Variants in ABL2 observed in about 807,000 individuals in gnomAD.
The protein encoded by ABL2 is ABL proto-oncogene 2, non-receptor tyrosine kinase.
Under a neutral mutation model 107.7 loss-of-function variants are expected in ABL2, and 49 were observed. The ratio of observed to expected loss-of-function variants is 0.45; its 90% CI spans 0.36 to 0.58. The LOEUF (loss-of-function observed/expected upper bound fraction) is 0.58. Ranked by LOEUF, ABL2 falls within the 20% of genes least tolerant of loss-of-function variation. The pLI, the probability that ABL2 is intolerant of heterozygous loss-of-function variation, is 0.00. For synonymous variants in ABL2, 549 were observed against 548.6 expected, an observed-to-expected ratio of 1.00 and a Z score of -0.01; for missense variants, 1,245 against 1,457.0, an observed-to-expected ratio of 0.85 and a Z score of 2.37.
chr1:179,178,061 A>C (rs76034255), intron 1 of ABL2, among the ~76,000 whole-genome samples: 2,579 of 152,300 alleles, frequency 0.017, 74 homozygotes, highest in African/African-American at 0.058. Context: ...AAAAGGTTCA[A>C]GTTCCAACAT....
At chr1:179,111,307 AG>A (rs1385991240) in intron 10 of ABL2, among the ~76,000 whole-genome samples, 1 of 97,080 alleles carries the variant, frequency 1.0e-5, no homozygotes, top group Non-Finnish European at 2.0e-5. Context: ...TTTTTTTGAC[AG>A]GGAGTCTTGC....
At chr1:179,183,070 A>G (rs1460337280) in intron 1 of ABL2, among the ~76,000 whole-genome samples, 1 of 152,028 alleles carries the variant, frequency 6.6e-6, no homozygotes, top group African/African-American at 2.4e-5. Flanking sequence ...GCCAGAGTGC[A>G]GTGGCAAGAT....
At chr1:179,167,654 T>C (rs978391078) in intron 1 of ABL2, among the ~76,000 whole-genome samples, 11 of 152,240 alleles carry the variant, frequency 7.2e-5, no homozygotes, top group Admixed American at 4.6e-4. Flanking sequence ...ACTCATTCTA[T>C]GCATGTAACA....
chr1:179,121,772 G>C lies in ABL2; in HGVS notation c.783C>G (p.Tyr261Ter). 1.2e-6 allele frequency: 2 copies of C among 1,614,104 alleles called. No homozygotes were observed. Among genetic ancestry groups the C allele is most frequent in the Non-Finnish European group, 1.7e-6 (2 of 1,180,024 alleles). ...TAGGCTTATTACACTTGGGTGCTGGGTAGTGTAATGTTGTCACCAGCCCAT... is the reference window on the plus strand; with the variant it reads ...TAGGCTTATTACACTTGGGTGCTGGCTAGTGTAATGTTGTCACCAGCCCAT... ...VADGLVTTLH[Y>*]PAPKCNKPTV... is the part of the protein sequence containing the mutation. The change falls in exon 5 of 12, where the codon TAC becomes TAG. Residue 261 changes from tyrosine to a stop codon, truncating the protein, a stop_gained. Transcript: ENST00000502732. LOFTEE classifies it high-confidence loss of function.
At chr1:179,189,753 T>C (rs1351660017) in intron 1 of ABL2, among the ~76,000 whole-genome samples, 2 of 152,012 alleles carry the variant, frequency 1.3e-5, no homozygotes, top group African/African-American at 4.8e-5. Context: ...CACAAGCTGG[T>C]GTCTTACAAT....
intron 1 of ABL2, among the ~76,000 whole-genome samples, chr1:179,150,829 T>C (rs1400175725): frequency 6.7e-6 from 1 of 150,232 alleles, no homozygotes; most frequent in Non-Finnish European, 1.5e-5. Flanking sequence ...AACTTCATTG[T>C]TGTCTTATTT....
At chr1:179,169,844 A>G (rs1043590843) in intron 1 of ABL2, among the ~76,000 whole-genome samples, 2 of 152,004 alleles carry the variant, frequency 1.3e-5, no homozygotes, top group African/African-American at 4.8e-5. Context: ...CAGCCTGAAC[A>G]ACAAAAAAGT....
At chr1:179,146,542 G>A (rs1247660362) in intron 1 of ABL2, among the ~76,000 whole-genome samples, 2 of 152,158 alleles carry the variant, frequency 1.3e-5, no homozygotes, top group Non-Finnish European at 2.9e-5. Flanking sequence ...AGTCCCAAGT[G>A]ATATGGTTTG....
rs575503579 is a variant in ABL2 at position 179,205,429 on chromosome 1, T to G, written c.157+23812A>C. 7.2e-5 allele frequency among the ~76,000 whole-genome samples: 11 copies of G among 152,356 alleles called. No individual in the cohort carries two copies. The East Asian group carries it at 1.9e-3, about 27-fold the overall frequency. On this transcript the variant is annotated intron_variant, in intron 1 of 11. Transcript: ENST00000502732. ...ATTACATGAGACCACATGACTTGCT[T>G]TGGCCAGTGAGATATAAAAGGAAGT...
intron 1 of ABL2, among the ~76,000 whole-genome samples, chr1:179,197,020 A>G (rs916623286): frequency 1.3e-5 from 2 of 152,234 alleles, no homozygotes; most frequent in African/African-American, 4.8e-5. Context: ...GTGATACAAA[A>G]ATTGAATATA....
At position 179,126,807 on chromosome 1, in the gene ABL2, A is replaced by G; in HGVS notation, c.392-135T>C. ...ACTTTTATGCCAAATTTTTTTTTTA[A>G]ATAATGAAAACAAACTTGGCTGTTC... On this transcript the variant is annotated intron_variant, in intron 3 of 11. Transcript: ENST00000502732. The surrounding 1 kb of genome is among the most constrained non-coding windows in gnomAD (Gnocchi z 4.4). 1.1e-6 allele frequency: 1 copy of G among 928,988 alleles called. No homozygotes were observed. The highest frequency in any genetic ancestry group is 1.6e-6 in the Non-Finnish European group (1 of 639,040). 57.5% of individuals were successfully genotyped at this position (928,988 alleles called of 1,614,324 possible).
intron 1 of ABL2, among the ~76,000 whole-genome samples, chr1:179,181,494 A>G (rs2102798586): frequency 6.6e-6 from 1 of 152,234 alleles, no homozygotes; most frequent in South Asian, 2.1e-4. Context: ...AAACTGCCCA[A>G]CCTCGCTGAG....
chr1:179,160,325 G>T (rs1455059186), intron 1 of ABL2, among the ~76,000 whole-genome samples: 3 of 149,792 alleles, frequency 2.0e-5, no homozygotes, highest in Non-Finnish European at 4.5e-5. Context: ...ACCAGCCTGG[G>T]CAACATAGTG....
intron 1 of ABL2, among the ~76,000 whole-genome samples, chr1:179,225,467 C>A (rs1663136521): frequency 6.6e-6 from 1 of 152,186 alleles, no homozygotes; most frequent in African/African-American, 2.4e-5. Flanking sequence ...TCAAATGATA[C>A]ATCCACTGAG....
At position 179,118,854 on chromosome 1, in the gene ABL2, G is replaced by A. The variant is rs1654906492; in HGVS notation, c.1046-90C>T. 5 of 1,361,758 alleles carry A rather than the reference G, an allele frequency of 3.7e-6. No homozygotes were observed. In the Admixed American group the frequency reaches 6.1e-5, roughly 17 times the overall value. The allele number at this position is 1,361,758 out of a possible 1,614,324, so 84.4% of individuals were successfully genotyped here. ...CCAAGAATAATTTGACAATTTTTCA[G>A]GTCTAGTTCGGCAATAATCTTTTCC... On this transcript the variant is annotated intron_variant, in intron 6 of 11. Coordinates refer to ENST00000502732, the MANE Select transcript of ABL2 (RefSeq NM_007314.4).
chr1:179,142,622 A>AG (rs1657690825), intron 1 of ABL2, among the ~76,000 whole-genome samples: 1 of 152,204 alleles, frequency 6.6e-6, no homozygotes, highest in South Asian at 2.1e-4. Context: ...GAAGCTAATA[A>AG]GTTTTAATAA....
intron 1 of ABL2, among the ~76,000 whole-genome samples, chr1:179,153,160 A>T (rs1658466992): frequency 6.6e-6 from 1 of 152,190 alleles, no homozygotes; most frequent in African/African-American, 2.4e-5. Flanking sequence ...ATACTTTCTA[A>T]ACCAAAATAA....
In ABL2 at chr1:179,110,316, A is replaced by G; in HGVS notation, c.1791T>C (p.Asp597=). The G allele has an allele frequency of 6.2e-7, 1 of 1,614,202 alleles. No individual in the cohort carries two copies. The highest frequency in any genetic ancestry group is 8.5e-7 in the Non-Finnish European group (1 of 1,180,036). ...AACTGGAAGCAGAATTTTCTGTGGC[A>G]TCTTGTGCCCCTTCAATGTTCTCCT... is the stretch of plus-strand genomic sequence containing the variant. ...ENKENIEGAQ[D]ATENSASSLA... is the part of the protein sequence containing the mutation. Residue 597 remains aspartate (D), a synonymous_variant, in exon 11 of 12, where the codon GAT becomes GAC. Transcript: ENST00000502732.
At chr1:179,117,537 A>C in intron 7 of ABL2, 21 bp from the exon 8 acceptor site, 1 of 1,612,310 alleles carries the variant, frequency 6.2e-7, no homozygotes, top group Non-Finnish European at 8.5e-7. Flanking sequence ...GAGAACCCTA[A>C]TGTGATTCCA....
Sources: allele counts gnomAD v4.1 joint callset (sites outside exome capture counted in the v4.1 genomes callset), GRCh38; gene constraint gnomAD v4.1.1; non-coding constraint Gnocchi (gnomAD v3.1); transcripts MANE v1.5; gene names NCBI Gene and HGNC (gene_info 2026-07-23, HGNC 2026-07-21).